Variants in SLC24A2 observed in about 807,000 individuals in gnomAD.
SLC24A2 encodes the protein sodium/potassium/calcium exchanger 2.
SLC24A2 carries 36 observed loss-of-function variants against 62.0 expected under a neutral mutation model. That is an observed-to-expected ratio of 0.58 (90% CI 0.44 to 0.77). SLC24A2 has a LOEUF of 0.77. SLC24A2 is among the 30% of genes least tolerant of loss of function. The pLI is 0.00. For synonymous variants in SLC24A2, 358 were observed against 294.0 expected, an observed-to-expected ratio of 1.22 and a Z score of -2.23; for missense variants, 846 against 817.9, an observed-to-expected ratio of 1.03 and a Z score of -0.42.
intron 7 of SLC24A2, among the ~76,000 whole-genome samples, chr9:19,551,190 A>C (rs1834825078): frequency 1.3e-5 from 2 of 152,200 alleles, no homozygotes; most frequent in Non-Finnish European, 2.9e-5. Context: ...CTAAATTCTA[A>C]ACCATTGTAC....
intron 2 of SLC24A2, among the ~76,000 whole-genome samples, chr9:19,731,926 G>A (rs1433607785): frequency 6.6e-6 from 1 of 152,130 alleles, no homozygotes; most frequent in African/African-American, 2.4e-5. Context: ...CCAACCACTT[G>A]AGCAAATATT....
chr9:20,140,500 T>A, the SLC24A2 span, among the ~76,000 whole-genome samples: 6,403 of 152,234 alleles, frequency 0.042, 429 homozygotes, highest in African/African-American at 0.14. Flanking sequence ...CTGGAAAGCA[T>A]AGACCATTGT....
the SLC24A2 span, among the ~76,000 whole-genome samples, chr9:19,908,422 T>G: frequency 6.6e-5 from 10 of 152,034 alleles, no homozygotes; most frequent in Non-Finnish European, 1.2e-4. Context: ...GACATAGGCA[T>G]GGGCAAGGAC....
intron 4 of SLC24A2, among the ~76,000 whole-genome samples, chr9:19,612,241 A>G (rs1837195439): frequency 6.6e-6 from 1 of 152,160 alleles, no homozygotes; most frequent in South Asian, 2.1e-4. Context: ...TTTTCTGTCC[A>G]TTTCTTAATA....
At chr9:19,895,493 G>C in the SLC24A2 span, among the ~76,000 whole-genome samples, 2 of 150,140 alleles carry the variant, frequency 1.3e-5, no homozygotes, top group African/African-American at 2.4e-5. Context: ...TTTTCTAATA[G>C]ATGAAAGTGA....
the SLC24A2 span, among the ~76,000 whole-genome samples, chr9:20,200,771 T>C: frequency 3.3e-5 from 5 of 152,208 alleles, no homozygotes; most frequent in East Asian, 1.9e-4. Flanking sequence ...GCTTACTTCA[T>C]GCATGTCTGA....
the SLC24A2 span, among the ~76,000 whole-genome samples, chr9:19,931,923 A>AT: frequency 6.6e-6 from 1 of 151,930 alleles, no homozygotes; most frequent in Admixed American, 6.6e-5. Flanking sequence ...AATTTTATTT[A>AT]TTATTATTAT....
chr9:20,235,591 T>G, the SLC24A2 span, among the ~76,000 whole-genome samples: 7 of 152,208 alleles, frequency 4.6e-5, no homozygotes, highest in Non-Finnish European at 1.0e-4. Context: ...AGTGCAGTAT[T>G]GGGGTGGGAG....
At chr9:19,820,722 A>G in the SLC24A2 span, among the ~76,000 whole-genome samples, 2 of 151,564 alleles carry the variant, frequency 1.3e-5, no homozygotes, top group Admixed American at 1.3e-4. Context: ...ACATGTGTCT[A>G]TGTGTCTGTG....
the SLC24A2 span, among the ~76,000 whole-genome samples, chr9:19,981,328 C>G: frequency 2.3e-4 from 35 of 152,060 alleles, no homozygotes; most frequent in Non-Finnish European, 5.1e-4. Context: ...CGAAGCAGAA[C>G]AAAATAGAAT....
chr9:20,270,115 T>TAATC, the SLC24A2 span, among the ~76,000 whole-genome samples: 115 of 152,150 alleles, frequency 7.6e-4, no homozygotes, highest in African/African-American at 2.7e-3. Context: ...CTGCAAAAAA[T>TAATC]AATCCAGTCT....
At chr9:20,085,034 C>T in the SLC24A2 span, among the ~76,000 whole-genome samples, 2 of 152,128 alleles carry the variant, frequency 1.3e-5, no homozygotes, top group Admixed American at 1.3e-4. Flanking sequence ...CTCACTCTGT[C>T]ACCTAGCCTG....
chr9:19,543,222 GT>G (rs1834368954), intron 8 of SLC24A2, among the ~76,000 whole-genome samples: 3 of 152,176 alleles, frequency 2.0e-5, no homozygotes, highest in Admixed American at 2.0e-4. Flanking sequence ...GCATAGAGGT[GT>G]TTATAGTATT....
intron 2 of SLC24A2, among the ~76,000 whole-genome samples, chr9:19,784,932 T>C (rs1346768916): frequency 6.6e-6 from 1 of 152,186 alleles, no homozygotes; most frequent in Non-Finnish European, 1.5e-5. Context: ...ATTTTTCTTT[T>C]CTTTTTGAAC....
At chr9:19,794,146 G>A in the SLC24A2 span, among the ~76,000 whole-genome samples, 2 of 152,166 alleles carry the variant, frequency 1.3e-5, no homozygotes, top group South Asian at 4.1e-4. Flanking sequence ...ACCCCTACAT[G>A]ATTGCTCTTT....
the SLC24A2 span, among the ~76,000 whole-genome samples, chr9:19,877,924 T>G: frequency 6.6e-6 from 1 of 152,220 alleles, no homozygotes; most frequent in Non-Finnish European, 1.5e-5. Flanking sequence ...TTACTTATTC[T>G]TATAAATTTA....
At chr9:19,548,952 G>A (rs1408196988) in intron 8 of SLC24A2, among the ~76,000 whole-genome samples, 3 of 152,130 alleles carry the variant, frequency 2.0e-5, no homozygotes, top group African/African-American at 7.2e-5. Context: ...TGTGTGTGTG[G>A]TCCTATACTA....
chr9:20,224,232 A>G, the SLC24A2 span, among the ~76,000 whole-genome samples: 2 of 152,046 alleles, frequency 1.3e-5, no homozygotes, highest in Non-Finnish European at 2.9e-5. Context: ...ACAAATAAGA[A>G]TTTAAAATGT....
At chr9:19,956,889 T>G in the SLC24A2 span, among the ~76,000 whole-genome samples, 33 of 152,270 alleles carry the variant, frequency 2.2e-4, no homozygotes, top group African/African-American at 7.5e-4. Context: ...TTTTGTCATG[T>G]GAGGACACAG....
Sources: gnomAD v4.1 joint callset for allele counts (sites outside exome capture counted in the v4.1 genomes callset) on GRCh38, gnomAD v4.1.1 for gene constraint, MANE v1.5 for transcripts, NCBI Gene and HGNC (gene_info 2026-07-23, HGNC 2026-07-21) for gene names.